ADGRL2: variants seen among roughly 807,000 people sequenced by gnomAD.
ADGRL2 encodes calcium-independent alpha-latrotoxin receptor 2.
A neutral mutation model predicts 157.4 loss-of-function variants in ADGRL2; 44 were observed. The ratio of observed to expected loss-of-function variants is 0.28; its 90% CI spans 0.22 to 0.36. The LOEUF is 0.36. ADGRL2 is among the 10% of genes least tolerant of loss of function. The pLI is 1.00. For missense variants in ADGRL2, 1,510 were observed against 1,768.9 expected, an observed-to-expected ratio of 0.85 and a Z score of 2.63; for synonymous variants, 585 against 624.7, an observed-to-expected ratio of 0.94 and a Z score of 0.95.
chr1:81,546,746 C>T (rs1324152726), intron 2 of ADGRL2, among the ~76,000 whole-genome samples: 2 of 152,138 alleles, frequency 1.3e-5, no homozygotes, highest in African/African-American at 2.4e-5. Flanking sequence ...GGCCTCTCCA[C>T]CTGGATTTAC....
intron 11 of ADGRL2, among the ~76,000 whole-genome samples, chr1:81,960,980 C>T (rs578240728): frequency 6.6e-5 from 10 of 152,268 alleles, no homozygotes; most frequent in African/African-American, 2.4e-4. Context: ...ATTCTGGGAC[C>T]TAGGCTGATG....
At chr1:81,783,275 C>T (rs1440157609) in intron 2 of ADGRL2, among the ~76,000 whole-genome samples, 2 of 151,708 alleles carry the variant, frequency 1.3e-5, no homozygotes, top group African/African-American at 4.8e-5. Context: ...AGGTGCACAC[C>T]GCCATGCTGG....
At chr1:81,647,817 C>T (rs1444778336) in intron 3 of ADGRL2, among the ~76,000 whole-genome samples, 2 of 152,140 alleles carry the variant, frequency 1.3e-5, no homozygotes, top group Non-Finnish European at 2.9e-5. Context: ...ATGCAGTTTC[C>T]CCAGGCTGGT....
At chr1:81,516,646 C>T (rs755821398) in intron 2 of ADGRL2, among the ~76,000 whole-genome samples, 19 of 152,172 alleles carry the variant, frequency 1.2e-4, no homozygotes, top group South Asian at 2.1e-4. Flanking sequence ...AACTTCTATT[C>T]GGGAACGTAA....
At chr1:81,772,874 TTA>T (rs1372599564) in intron 2 of ADGRL2, among the ~76,000 whole-genome samples, 6 of 152,318 alleles carry the variant, frequency 3.9e-5, no homozygotes, top group Non-Finnish European at 7.3e-5. Flanking sequence ...TTTAATATTT[TTA>T]TAGACAGAAA....
intron 2 of ADGRL2, among the ~76,000 whole-genome samples, chr1:81,543,686 C>A (rs1350028957): frequency 1.3e-5 from 2 of 152,168 alleles, no homozygotes; most frequent in African/African-American, 4.8e-5. Context: ...CCTTGACAGT[C>A]TATTTTCAAG....
At chr1:81,616,708 G>T (rs1419268168) in intron 3 of ADGRL2, among the ~76,000 whole-genome samples, 3 of 110,548 alleles carry the variant, frequency 2.7e-5, no homozygotes, top group Admixed American at 1.3e-4. Flanking sequence ...ACAGGGTCTC[G>T]CTCTGTTGCC....
At chr1:81,883,438 T>C (rs1406084873) in intron 2 of ADGRL2, among the ~76,000 whole-genome samples, 1 of 152,180 alleles carries the variant, frequency 6.6e-6, no homozygotes, top group African/African-American at 2.4e-5. Context: ...TGCTTTGATG[T>C]AGATTTTTGG....
upstream of ADGRL2, among the ~76,000 whole-genome samples, chr1:81,796,877 T>G (rs923293513): frequency 2.0e-5 from 3 of 152,222 alleles, no homozygotes; most frequent in Non-Finnish European, 4.4e-5. Flanking sequence ...GGTTTGGCCT[T>G]CTTGGACAAA....
chr1:81,714,573 A>AT (rs2084045139), intron 1 of ADGRL2, among the ~76,000 whole-genome samples: 1 of 152,204 alleles, frequency 6.6e-6, no homozygotes, highest in South Asian at 2.1e-4. Context: ...ATACATTTTT[A>AT]TACACAATAT....
At chr1:81,355,124 A>G (rs1367232032) in intron 1 of ADGRL2, among the ~76,000 whole-genome samples, 1 of 152,140 alleles carries the variant, frequency 6.6e-6, no homozygotes, top group Non-Finnish European at 1.5e-5. Flanking sequence ...ACGCATTTCA[A>G]GTTATATTTG....
At chr1:81,577,665 C>T (rs2080823503) in intron 2 of ADGRL2, among the ~76,000 whole-genome samples, 1 of 152,144 alleles carries the variant, frequency 6.6e-6, no homozygotes, top group African/African-American at 2.4e-5. Flanking sequence ...GAAATTAGCC[C>T]CTTCTCTATG....
intron 2 of ADGRL2, among the ~76,000 whole-genome samples, chr1:81,573,104 CTAATT>C (rs2080728375): frequency 2.0e-5 from 3 of 151,992 alleles, no homozygotes; most frequent in Admixed American, 2.0e-4. Flanking sequence ...GCAAAACTCT[CTAATT>C]TAATATCTTT....
Position 81,991,235 on chromosome 1 carries a change from G to A in ADGRL2, c.*90G>A. ...GACGCAGCTCCCTCAAACTCTGCTT[G>A]AAGAGATGACTCTTGACCTGTGGTT... On this transcript the variant is annotated 3_prime_UTR_variant, in exon 24 of 24. Transcript: ENST00000686636. The A allele has an allele frequency of 8.2e-7, 1 of 1,221,740 alleles. No homozygotes were observed. The highest frequency in any genetic ancestry group is 1.1e-6 in the Non-Finnish European group (1 of 877,874). 75.7% of individuals were successfully genotyped at this position (1,221,740 alleles called of 1,614,324 possible). A position where few individuals can be genotyped will look rare whatever the true frequency, so the allele number is the denominator to read the frequency against.
At chr1:81,818,595 A>G (rs745522179) in intron 1 of ADGRL2, among the ~76,000 whole-genome samples, 24 of 152,142 alleles carry the variant, frequency 1.6e-4, no homozygotes, top group Admixed American at 5.9e-4. Flanking sequence ...CTACCTTGCC[A>G]TTACTTCTGG....
intron 1 of ADGRL2, among the ~76,000 whole-genome samples, chr1:81,730,003 A>G (rs548549376): frequency 1.3e-5 from 2 of 152,226 alleles, no homozygotes; most frequent in Non-Finnish European, 2.9e-5. Context: ...CACTGTGATG[A>G]GCATCAATCA....
At chr1:81,727,146 A>G (rs755065223) in intron 1 of ADGRL2, among the ~76,000 whole-genome samples, 5 of 152,198 alleles carry the variant, frequency 3.3e-5, no homozygotes, top group Non-Finnish European at 7.3e-5. Context: ...AGTTTCCAAG[A>G]CAGGCAGGGT....
At chr1:81,689,230 G>T (rs2083285738) in intron 3 of ADGRL2, among the ~76,000 whole-genome samples, 1 of 152,178 alleles carries the variant, frequency 6.6e-6, no homozygotes, top group African/African-American at 2.4e-5. Flanking sequence ...CTTTAAGTTG[G>T]CCGAGATTCT....
intron 1 of ADGRL2, among the ~76,000 whole-genome samples, chr1:81,701,758 G>A (rs975482535): frequency 6.6e-6 from 1 of 152,158 alleles, no homozygotes; most frequent in Non-Finnish European, 1.5e-5. Context: ...AATATTTATG[G>A]AGCACCCATT....
Sources: allele counts gnomAD v4.1 joint callset (sites outside exome capture counted in the v4.1 genomes callset), GRCh38; gene constraint gnomAD v4.1.1; transcripts MANE v1.5; gene names NCBI Gene and HGNC (gene_info 2026-07-23, HGNC 2026-07-21).